Variants in TRPM8 observed in about 807,000 individuals in gnomAD.
TRPM8 encodes TRPM8 cationic channel.
A neutral mutation model predicts 133.7 loss-of-function variants in TRPM8; 110 were observed. The observed-to-expected ratio is 0.82, with a 90% CI of 0.70 to 0.96. The LOEUF (loss-of-function observed/expected upper bound fraction) is 0.96. Among genes scored for constraint, TRPM8 ranks in the 40% least tolerant of loss-of-function variants. TRPM8 has a pLI of 0.00. For synonymous variants in TRPM8, 535 were observed against 532.3 expected, an observed-to-expected ratio of 1.01 and a Z score of -0.07; for missense variants, 1,291 against 1,379.5, an observed-to-expected ratio of 0.94 and a Z score of 1.02.
chr2:233,991,788 T>C (rs537632474), intron 21 of TRPM8, among the ~76,000 whole-genome samples: 1 of 152,350 alleles, frequency 6.6e-6, no homozygotes, highest in South Asian at 2.1e-4. Context: ...TGTACAAGTT[T>C]CCCTCATTAT....
At chr2:233,947,363 T>C in intron 8 of TRPM8, 2 of 1,531,302 alleles carry the variant, frequency 1.3e-6, no homozygotes, top group Non-Finnish European at 1.8e-6. Context: ...GTGACATGAA[T>C]AACCTGTGTA....
rs1450600974 is a variant in TRPM8 at position 233,964,744 on chromosome 2, G to A, written c.1866G>A (p.Glu622=). 6.2e-7 allele frequency: 1 copy of A among 1,611,810 alleles called. No individual in the cohort carries two copies. The highest frequency in any genetic ancestry group is 8.5e-7 in the Non-Finnish European group (1 of 1,178,420). ...CCGAGGAGCTGGCTAATGAGTACGA[G>A]ACCCGGGCTGTTGGTGAGTCCACAG... ...GESEELANEY[E]TRAVELFTEC... The change falls in exon 14 of 26, where the codon GAG becomes GAA. Residue 622 remains glutamate (E), a synonymous_variant. Coordinates refer to ENST00000324695, the MANE Select transcript of TRPM8 (RefSeq NM_024080.5).
In TRPM8 at chr2:233,960,836, C is replaced by A; in HGVS notation, c.1423C>A (p.Arg475Ser). 2 of 1,614,092 alleles carry A rather than the reference C, an allele frequency of 1.2e-6. No individual in the cohort carries two copies. The highest frequency in any genetic ancestry group is 1.6e-4 in the Middle Eastern group (1 of 6,062). ...CATAAAGGACAGACCCAAGTTTGTC[C>A]GCCTCTTTCTGGAGAATGGCTTGAA... ...ALIKDRPKFV[R>S]LFLENGLNLR... is the part of the protein sequence containing the mutation. Residue 475 changes from arginine (R) to serine (S), a missense_variant, in exon 12 of 26, where the codon CGC becomes AGC. Around this residue, in one of 2 missense-constraint regions of TRPM8, gnomAD observed 963 missense variants for 968.9 expected, o/e 0.99. Transcript: ENST00000324695.
At chr2:233,963,398 C>G (rs764405562) in intron 13 of TRPM8, 21 bp downstream of exon 13, 1 of 1,429,914 alleles carries the variant, frequency 7.0e-7, no homozygotes, top group South Asian at 1.2e-5. Context: ...AAGCCCACAT[C>G]AGATTTACAC....
intron 22 of TRPM8, among the ~76,000 whole-genome samples, chr2:234,004,595 G>A (rs1164489162): frequency 6.6e-6 from 1 of 152,172 alleles, no homozygotes; most frequent in Non-Finnish European, 1.5e-5. Flanking sequence ...TTTCACTTTT[G>A]GTACTTTTTT....
chr2:233,998,377 C>T (rs935196108), intron 22 of TRPM8, among the ~76,000 whole-genome samples: 9 of 152,234 alleles, frequency 5.9e-5, no homozygotes, highest in Non-Finnish European at 1.2e-4. Flanking sequence ...CTCAGAATGG[C>T]AAATGTGCCT....
intron 4 of TRPM8, among the ~76,000 whole-genome samples, chr2:233,938,346 G>A (rs1690815893): frequency 6.6e-6 from 1 of 152,190 alleles, no homozygotes; most frequent in African/African-American, 2.4e-5. Context: ...CCCCCAGTCT[G>A]CTTTCCTTCT....
chr2:233,937,300 T>C (rs1408614715), intron 3 of TRPM8, 53 bp from the exon 4 acceptor site: 4 of 1,601,326 alleles, frequency 2.5e-6, no homozygotes, highest in Non-Finnish European at 3.4e-6. Flanking sequence ...CCAGTTTCCA[T>C]AAGCAGGCTC....
intron 21 of TRPM8, among the ~76,000 whole-genome samples, chr2:233,995,152 G>T (rs1456483205): frequency 6.6e-6 from 1 of 152,128 alleles, no homozygotes; most frequent in Non-Finnish European, 1.5e-5. Flanking sequence ...CCTAACTGGA[G>T]GACTCAGACA....
At position 233,951,397 on chromosome 2, in the gene TRPM8, T is replaced by C. The variant is rs553773652; in HGVS notation, c.1140+1251T>C. 7.2e-5 allele frequency among the ~76,000 whole-genome samples: 11 copies of C among 152,304 alleles called. No homozygotes were observed. In the East Asian group the frequency reaches 1.4e-3, roughly 19 times the overall value. ...TCAGTGGTCAGTTCAGGGATCCCCATAGAGGAAGAAACGGATGACTCTTAA... is the reference window on the plus strand; with the variant it reads ...TCAGTGGTCAGTTCAGGGATCCCCACAGAGGAAGAAACGGATGACTCTTAA... On this transcript the variant is annotated intron_variant, in intron 9 of 25. Coordinates refer to ENST00000324695, the MANE Select transcript of TRPM8 (RefSeq NM_024080.5).
Position 234,017,289 on chromosome 2 carries a change from G to T in TRPM8, c.*43-10G>T. The T allele has an allele frequency of 2.1e-6, 1 of 470,484 alleles. No homozygotes were observed. Among genetic ancestry groups the T allele is most frequent in the Non-Finnish European group, 4.4e-6 (1 of 226,924 alleles). 29.1% of individuals were successfully genotyped at this position (470,484 alleles called of 1,614,324 possible). Reference sequence around the variant, plus strand: ...ATTCTTAACACAGTGTTCTTTCTTTGTTTTTACAGATCATATTAAGGAATG... The same window carrying T: ...ATTCTTAACACAGTGTTCTTTCTTTTTTTTTACAGATCATATTAAGGAATG... On this transcript the variant is annotated splice_polypyrimidine_tract_variant and intron_variant, in intron 25 of 25. Coordinates refer to ENST00000324695, the MANE Select transcript of TRPM8 (RefSeq NM_024080.5).
At chr2:234,001,037 A>G (rs1692551592) in intron 22 of TRPM8, among the ~76,000 whole-genome samples, 1 of 152,234 alleles carries the variant, frequency 6.6e-6, no homozygotes, top group African/African-American at 2.4e-5. Context: ...GAGAAATAGG[A>G]TAGGGCAAAC....
intron 22 of TRPM8, among the ~76,000 whole-genome samples, chr2:234,006,194 G>A (rs928245237): frequency 5.3e-5 from 8 of 152,258 alleles, no homozygotes; most frequent in Admixed American, 6.5e-5. Context: ...GAGGTTTGAC[G>A]TCCATTGCAT....
At chr2:233,931,256 T>A in intron 3 of TRPM8, among the ~76,000 whole-genome samples, 1 of 152,230 alleles carries the variant, frequency 6.6e-6, no homozygotes, top group Non-Finnish European at 1.5e-5. Flanking sequence ...CTTCAATAAC[T>A]GTTGATGAGC....
rs959407861 is a variant in TRPM8 at position 233,989,675 on chromosome 2, T to C, written c.2939+3810T>C. Among the ~76,000 whole-genome samples the C allele has an allele frequency of 2.6e-5, 4 of 152,322 alleles. No homozygotes were observed. The South Asian group carries it at 8.3e-4, about 32-fold the overall frequency. On this transcript the variant is annotated intron_variant, in intron 21 of 25. Transcript: ENST00000324695. The surrounding 1 kb of genome is among the most constrained non-coding windows in gnomAD (Gnocchi z 4.2). ...TTAACCATACACAATGGCAACCTTA[T>C]TAACTGCAATGCAAATGTACCTTTG...
At chr2:233,937,561 G>A (rs761152007) in intron 4 of TRPM8, 52 bp downstream of exon 4, 2 of 1,564,850 alleles carry the variant, frequency 1.3e-6, no homozygotes, top group South Asian at 1.2e-5. Flanking sequence ...AAAGTGACCT[G>A]GGCTACCTTG....
At chr2:233,968,366 GC>G (rs1311953082) in intron 15 of TRPM8, 3 of 152,496 alleles carry the variant, frequency 2.0e-5, no homozygotes, top group African/African-American at 4.8e-5. Context: ...TGAGGAGGTT[GC>G]CACTGTGGGC....
At chr2:233,929,487 G>A (rs1055820082) in intron 2 of TRPM8, among the ~76,000 whole-genome samples, 3 of 152,190 alleles carry the variant, frequency 2.0e-5, no homozygotes, top group Non-Finnish European at 2.9e-5. Context: ...AGTCAGGGCT[G>A]GCTCTGGTGC....
intron 17 of TRPM8, among the ~76,000 whole-genome samples, chr2:233,976,165 A>C (rs1691868155): frequency 6.6e-6 from 1 of 152,236 alleles, no homozygotes; most frequent in Non-Finnish European, 1.5e-5. Flanking sequence ...GCATTCTACC[A>C]GTTCCTGATG....
Sources: gnomAD v4.1 joint callset for allele counts (sites outside exome capture counted in the v4.1 genomes callset) on GRCh38, gnomAD v4.1.1 for gene constraint, gnomAD v4.1.1 regional missense constraint, Gnocchi (gnomAD v3.1) non-coding constraint, MANE v1.5 for transcripts, NCBI Gene and HGNC (gene_info 2026-07-23, HGNC 2026-07-21) for gene names.